The following CNTNAP2 variants were observed in gnomAD, a reference collection of about 807,000 sequenced individuals.
CNTNAP2 encodes contactin associated protein 2.
CNTNAP2 carries 98 observed loss-of-function variants against 155.2 expected under a neutral mutation model. The ratio of observed to expected loss-of-function variants is 0.63; its 90% CI spans 0.54 to 0.75. The LOEUF is 0.75. CNTNAP2 is among the 30% of genes least tolerant of loss of function. CNTNAP2 has a pLI of 0.00. For missense variants in CNTNAP2, 1,727 were observed against 1,688.1 expected (o/e 1.02, Z -0.40); for synonymous variants, 651 against 631.2 (o/e 1.03, Z -0.47).
At chr7:148,264,839 G>A (rs1351723938) in intron 20 of CNTNAP2, among the ~76,000 whole-genome samples, 1 of 152,026 alleles carries the variant, frequency 6.6e-6, no homozygotes, top group Non-Finnish European at 1.5e-5. Context: ...GGACTATAGG[G>A]GAGTGCCACC....
chr7:147,096,184 G>C (rs1563075305), intron 4 of CNTNAP2, among the ~76,000 whole-genome samples: 1 of 152,166 alleles, frequency 6.6e-6, no homozygotes, highest in Non-Finnish European at 1.5e-5. Context: ...ATGAAGTCTT[G>C]TATTTGACAG....
intron 1 of CNTNAP2, among the ~76,000 whole-genome samples, chr7:146,317,607 TAGG>T (rs1230219761): frequency 1.3e-5 from 2 of 152,200 alleles, no homozygotes; most frequent in African/African-American, 2.4e-5. Flanking sequence ...TTTTCTAAAA[TAGG>T]AGGTTTCTAA....
intron 1 of CNTNAP2, among the ~76,000 whole-genome samples, chr7:146,558,046 C>T (rs973846382): frequency 2.0e-5 from 3 of 152,170 alleles, no homozygotes; most frequent in Admixed American, 6.5e-5. Flanking sequence ...CTGTGACAAA[C>T]TCCGGGCATG....
chr7:148,101,775 G>A (rs567947969), intron 15 of CNTNAP2, among the ~76,000 whole-genome samples: 2 of 152,262 alleles, frequency 1.3e-5, no homozygotes, highest in Non-Finnish European at 2.9e-5. Flanking sequence ...CCCAGAGTAT[G>A]CCACCATCTA....
chr7:146,943,602 T>C (rs973111257), intron 3 of CNTNAP2, among the ~76,000 whole-genome samples: 1 of 152,248 alleles, frequency 6.6e-6, no homozygotes, highest in Non-Finnish European at 1.5e-5. Context: ...GGTGAATTGT[T>C]GGTCTGAAGT....
chr7:146,329,408 A>G (rs1801145593), intron 1 of CNTNAP2, among the ~76,000 whole-genome samples: 1 of 152,186 alleles, frequency 6.6e-6, no homozygotes. Flanking sequence ...CATCTGACAT[A>G]TATGGAGGCT....
rs560862588 is a variant in CNTNAP2, at chr7:146,813,852, A to G, written c.209-25859A>G. Among the ~76,000 whole-genome samples, 10 of 152,190 alleles carry G rather than the reference A, an allele frequency of 6.6e-5. No individual in the cohort carries two copies. The East Asian group carries it at 1.9e-3, about 29-fold the overall frequency. The stretch of plus-strand genomic sequence containing the variant: ...AAGTAATTGAATCATGGGGATGGTT[A>G]CCTGCACACTGCTGTTCTTATGGTA... On this transcript the variant is annotated intron_variant, in intron 2 of 23. Coordinates refer to ENST00000361727, the MANE Select transcript of CNTNAP2 (RefSeq NM_014141.6).
chr7:146,853,705 T>C (rs950961604), intron 3 of CNTNAP2, among the ~76,000 whole-genome samples: 1 of 152,136 alleles, frequency 6.6e-6, no homozygotes, highest in African/African-American at 2.4e-5. Context: ...TTTAAGAAGA[T>C]ATCATAGTTT....
intron 21 of CNTNAP2, among the ~76,000 whole-genome samples, chr7:148,371,874 A>G (rs1266982287): frequency 6.6e-6 from 1 of 152,170 alleles, no homozygotes; most frequent in Non-Finnish European, 1.5e-5. Context: ...TGTTCACTAA[A>G]CATAGACAAA....
chr7:148,180,924 A>G, intron 18 of CNTNAP2, among the ~76,000 whole-genome samples: 1 of 152,178 alleles, frequency 6.6e-6, no homozygotes, highest in East Asian at 1.9e-4. Flanking sequence ...AGCTACCCTC[A>G]ATGTGGGAAG....
rs191354160 is a variant in CNTNAP2, at chr7:147,652,992, C to A, written c.2098+13686C>A. 5.1e-3 allele frequency among the ~76,000 whole-genome samples: 777 copies of A among 152,004 alleles called. 8 individuals carry two copies. Among genetic ancestry groups the A allele is most frequent in the African/African-American group, 0.017 (704 of 41,430 alleles). ...GTTTTTTCAATATCCACTATTGGCCCTGACAAGTATATTAAAAAATATGGT... is the reference window on the plus strand; with the variant it reads ...GTTTTTTCAATATCCACTATTGGCCATGACAAGTATATTAAAAAATATGGT... On this transcript the variant is annotated intron_variant, in intron 13 of 23. Transcript: ENST00000361727.
intron 2 of CNTNAP2, among the ~76,000 whole-genome samples, chr7:146,781,320 A>G (rs994847223): frequency 9.9e-5 from 15 of 151,772 alleles, no homozygotes; most frequent in South Asian, 6.2e-4. Context: ...TAACAAACCT[A>G]CACATTCTGC....
At chr7:147,100,293 C>A (rs1800628039) in intron 4 of CNTNAP2, among the ~76,000 whole-genome samples, 1 of 151,968 alleles carries the variant, frequency 6.6e-6, no homozygotes, top group Non-Finnish European at 1.5e-5. Context: ...ATTCATTGGG[C>A]CAACCAGATG....
At chr7:146,568,159 T>G (rs1435882271) in intron 1 of CNTNAP2, among the ~76,000 whole-genome samples, 1 of 152,154 alleles carries the variant, frequency 6.6e-6, no homozygotes, top group Non-Finnish European at 1.5e-5. Context: ...TGTTTTCTTT[T>G]GACTTCGGGC....
At chr7:147,519,677 A>G (rs573965051) in intron 11 of CNTNAP2, among the ~76,000 whole-genome samples, 2 of 152,328 alleles carry the variant, frequency 1.3e-5, no homozygotes, top group East Asian at 1.9e-4. Context: ...AGCCTGGCCA[A>G]CGGGGTGCAA....
chr7:148,075,421 A>G (rs1461955013), intron 15 of CNTNAP2, among the ~76,000 whole-genome samples: 1 of 151,342 alleles, frequency 6.6e-6, no homozygotes, highest in East Asian at 2.0e-4. Context: ...TGGGTGACAC[A>G]GCAAAACTTA....
At chr7:146,473,202 A>T (rs916388881) in intron 1 of CNTNAP2, among the ~76,000 whole-genome samples, 2 of 152,070 alleles carry the variant, frequency 1.3e-5, no homozygotes, top group Admixed American at 1.3e-4. Flanking sequence ...AAAAGGCTTC[A>T]ACTCCTTTCA....
chr7:146,914,285 A>AT (rs1390621199), intron 3 of CNTNAP2, among the ~76,000 whole-genome samples: 11 of 151,140 alleles, frequency 7.3e-5, no homozygotes, highest in Admixed American at 4.0e-4. Context: ...TTGTATAGTG[A>AT]TTTTTTTTCC....
intron 1 of CNTNAP2, among the ~76,000 whole-genome samples, chr7:146,339,597 G>GT (rs1471841700): frequency 2.6e-5 from 4 of 152,202 alleles, no homozygotes; most frequent in Admixed American, 2.0e-4. Context: ...GTTATACCAA[G>GT]TTTTTTGTAT....
Sources: gnomAD v4.1 joint callset for allele counts (sites outside exome capture counted in the v4.1 genomes callset) on GRCh38, gnomAD v4.1.1 for gene constraint, MANE v1.5 for transcripts, NCBI Gene and HGNC (gene_info 2026-07-23, HGNC 2026-07-21) for gene names.